DTL: variants seen among roughly 807,000 people sequenced by gnomAD.
DTL encodes the protein denticleless protein homolog.
In DTL, 46 loss-of-function variants were observed where a neutral mutation model predicts 87.0. That is an observed-to-expected ratio of 0.53 (90% confidence interval 0.42 to 0.68). The LOEUF (loss-of-function observed/expected upper bound fraction) is 0.68, where lower values mean the gene tolerates loss of function less well. DTL is among the 30% of genes least tolerant of loss of function. The pLI is 0.00. For synonymous variants in DTL, 308 were observed against 311.2 expected (o/e 0.99, Z 0.11); for missense variants, 737 against 869.4 (o/e 0.85, Z 1.91).
Position 212,103,613 on chromosome 1 carries a change from T to A in DTL, c.*673T>A, listed in dbSNP as rs185452625. The A allele has an allele frequency of 1.3e-5, 2 of 152,344 alleles. No individual in the cohort carries two copies. The highest frequency in any genetic ancestry group is 2.4e-5 in the African/African-American group (1 of 41,584). The allele number at this position is 152,344 out of a possible 1,614,324, so 9.4% of individuals were successfully genotyped here. A position where few individuals can be genotyped will look rare whatever the true frequency, so the allele number is the denominator to read the frequency against. On this transcript the variant is annotated 3_prime_UTR_variant, in exon 15 of 15. Coordinates refer to ENST00000366991, the MANE Select transcript of DTL (RefSeq NM_016448.4). ...GAGAACAACAACAGAAAGCTGTGTT[T>A]GTCTTTTTTCTCTCAAATATATCTC...
rs1187015745 is a variant in DTL, at chr1:212,068,669, C to T, written c.888C>T (p.Tyr296=). 6.2e-7 allele frequency: 1 copy of T among 1,612,064 alleles called. No homozygotes were observed. Residue 296 remains tyrosine (Y), a synonymous_variant, in exon 10 of 15, where the codon TAC becomes TAT. Coordinates refer to ENST00000366991, the MANE Select transcript of DTL (RefSeq NM_016448.4). The stretch of plus-strand genomic sequence containing the variant: ...CTAATTGCACAGACGATAACATCTA[C>T]ATGTTTAATATGACTGGGTTGAAGA... ...LFANCTDDNI[Y]MFNMTGLKTS... is the part of the protein sequence containing the mutation.
At position 212,104,522 on chromosome 1, in the gene DTL, T is replaced by G. The variant is rs944047548; in HGVS notation, c.*1582T>G. 6.6e-6 allele frequency: 1 copy of G among 152,156 alleles called. No homozygotes were observed. Among genetic ancestry groups the G allele is most frequent in the Admixed American group, 6.6e-5 (1 of 15,262 alleles). 9.4% of individuals were successfully genotyped at this position (152,156 alleles called of 1,614,324 possible). On this transcript the variant is annotated 3_prime_UTR_variant, in exon 15 of 15. Coordinates refer to ENST00000366991, the MANE Select transcript of DTL (RefSeq NM_016448.4). ...CTGTTGGGCTTTGGGAAGATGTTATTTATGACCAATATCTGCCAGTAACGC... is the reference window on the plus strand; with the variant it reads ...CTGTTGGGCTTTGGGAAGATGTTATGTATGACCAATATCTGCCAGTAACGC...
chr1:212,094,696 T>G (rs1655391608), intron 13 of DTL, among the ~76,000 whole-genome samples: 3 of 152,244 alleles, frequency 2.0e-5, no homozygotes. Context: ...TTTAGCAGTA[T>G]AGTTATTTTC....
At chr1:212,084,619 A>G (rs1040047247) in intron 13 of DTL, among the ~76,000 whole-genome samples, 48 of 152,248 alleles carry the variant, frequency 3.2e-4, no homozygotes, top group Admixed American at 8.5e-4. Flanking sequence ...ACCTCTTTCA[A>G]ATCCTTTTGC....
intron 13 of DTL, 38 bp downstream of exon 13, chr1:212,080,788 T>A (rs758422471): frequency 1.2e-6 from 2 of 1,609,330 alleles, no homozygotes; most frequent in Non-Finnish European, 1.7e-6. Flanking sequence ...TTTTATGGTT[T>A]GACTAGTTTA....
chr1:212,096,842 G>A (rs1367919986), intron 13 of DTL, among the ~76,000 whole-genome samples: 3 of 152,138 alleles, frequency 2.0e-5, no homozygotes. Flanking sequence ...TGAATAGAAT[G>A]TATATTCTGC....
In DTL at chr1:212,080,735, T is replaced by G. The variant is rs1289251813; in HGVS notation, c.1246T>G (p.Ser416Ala). 1.9e-6 allele frequency: 3 copies of G among 1,613,258 alleles called. No homozygotes were observed. Among genetic ancestry groups the G allele is most frequent in the South Asian group, 2.2e-5 (2 of 91,040 alleles). The change falls in exon 13 of 15, where the codon TCA (serine) becomes GCA (alanine). Residue 416 changes from serine to alanine, a missense_variant. Ser to Ala is a moderately conservative substitution (Grantham distance 99, BLOSUM62 1). Transcript: ENST00000366991. ...TTGGGCCTCTCAGAAGAAAAAAGAG[T>G]CAAGACCTGGCCTAGGTAAGGATAT... is the stretch of plus-strand genomic sequence containing the variant. ...VGWASQKKKE[S>A]RPGLVTVTSS... is the part of the protein sequence containing the mutation.
At chr1:212,075,444 G>A (rs1348247803) in intron 11 of DTL, among the ~76,000 whole-genome samples, 1 of 152,070 alleles carries the variant, frequency 6.6e-6, no homozygotes, top group Non-Finnish European at 1.5e-5. Context: ...ACTTAAAAGG[G>A]AAAGGAAGCT....
intron 5 of DTL, among the ~76,000 whole-genome samples, chr1:212,049,743 T>C (rs1479393274): frequency 1.3e-5 from 2 of 152,336 alleles, no homozygotes; most frequent in East Asian, 3.8e-4. Context: ...ATGGAAGCCC[T>C]CTGTTTTATT....
rs777102905 is a variant in DTL, at chr1:212,035,947, G to C, written c.52+5G>C. On this transcript the variant is annotated splice_donor_5th_base_variant and intron_variant, in intron 1 of 14. Coordinates refer to ENST00000366991, the MANE Select transcript of DTL (RefSeq NM_016448.4). Reference sequence around the variant, plus strand: ...AGCTTGGCGTCCTGAGAAATGGTGAGTAACGGTCCCAACCGCTGCTCGGAG... The same window carrying C: ...AGCTTGGCGTCCTGAGAAATGGTGACTAACGGTCCCAACCGCTGCTCGGAG... 2 of 1,613,934 alleles carry C rather than the reference G, an allele frequency of 1.2e-6. No homozygotes were observed.
chr1:212,057,617 TTACCAC>T (rs1668217484), intron 5 of DTL, among the ~76,000 whole-genome samples: 1 of 152,148 alleles, frequency 6.6e-6, no homozygotes, highest in Non-Finnish European at 1.5e-5. Context: ...GGCTGAAATG[TTACCAC>T]TACCGAATAC....
intron 1 of DTL, among the ~76,000 whole-genome samples, chr1:212,040,451 GA>G (rs1468672848): frequency 1.3e-5 from 2 of 152,198 alleles, no homozygotes; most frequent in Non-Finnish European, 2.9e-5. Flanking sequence ...GGCACAGTAA[GA>G]GATTAACAAT....
chr1:212,065,981 C>G (rs1654486065), intron 7 of DTL, among the ~76,000 whole-genome samples: 1 of 152,128 alleles, frequency 6.6e-6, no homozygotes, highest in Admixed American at 6.6e-5. Context: ...TGTGAGCCAC[C>G]ACGCCTGGCC....
chr1:212,082,347 T>G (rs1419348377), intron 13 of DTL, among the ~76,000 whole-genome samples: 2 of 152,156 alleles, frequency 1.3e-5, no homozygotes, highest in Non-Finnish European at 2.9e-5. Flanking sequence ...TCAAGGAGTT[T>G]TGTTATAAAG....
intron 13 of DTL, among the ~76,000 whole-genome samples, chr1:212,087,912 G>A (rs1655177717): frequency 6.6e-6 from 1 of 152,156 alleles, no homozygotes; most frequent in Admixed American, 6.5e-5. Context: ...GGGTTTAAGT[G>A]CTAAGACATA....
At chr1:212,076,251 T>A (rs1212665883) in intron 11 of DTL, among the ~76,000 whole-genome samples, 1 of 152,186 alleles carries the variant, frequency 6.6e-6, no homozygotes, top group Non-Finnish European at 1.5e-5. Context: ...AGAATAGAAT[T>A]GCTGGGTCAT....
intron 3 of DTL, among the ~76,000 whole-genome samples, chr1:212,045,453 C>T (rs1667780361): frequency 1.3e-5 from 2 of 152,124 alleles, no homozygotes; most frequent in South Asian, 2.1e-4. Context: ...CTTTAAAATA[C>T]TTATATTAAT....
intron 13 of DTL, among the ~76,000 whole-genome samples, chr1:212,094,174 C>G (rs1172716603): frequency 6.6e-6 from 1 of 152,122 alleles, no homozygotes; most frequent in African/African-American, 2.4e-5. Flanking sequence ...GAACTCTTTG[C>G]CTAGGCCATG....
intron 1 of DTL, among the ~76,000 whole-genome samples, chr1:212,038,074 C>A (rs757776798): frequency 6.6e-6 from 1 of 152,158 alleles, no homozygotes; most frequent in Non-Finnish European, 1.5e-5. Flanking sequence ...ACAGGAAGCA[C>A]TCACACACAC....
Sources: allele counts gnomAD v4.1 joint callset (sites outside exome capture counted in the v4.1 genomes callset), GRCh38; gene constraint gnomAD v4.1.1; transcripts MANE v1.5; gene names NCBI Gene and HGNC (gene_info 2026-07-23, HGNC 2026-07-21).